The following THAP9 variants were observed in gnomAD, a reference collection of about 807,000 sequenced individuals.
The protein encoded by THAP9 is THAP domain containing 9.
THAP9 carries 20 observed loss-of-function variants against 35.7 expected under a neutral mutation model. The observed-to-expected ratio is 0.56, with a 90% CI of 0.39 to 0.81. The LOEUF (loss-of-function observed/expected upper bound fraction) is 0.81. THAP9 is among the 40% of genes least tolerant of loss of function. The probability of loss-of-function intolerance (pLI) is 0.00; values close to 1 mark genes in which losing one functional copy is unlikely to be tolerated. For missense variants in THAP9, 870 were observed against 1,047.4 expected, an observed-to-expected ratio of 0.83 and a Z score of 2.34; for synonymous variants, 335 against 373.7, an observed-to-expected ratio of 0.90 and a Z score of 1.19.
rs1721076125 is a variant in THAP9 at position 82,917,448 on chromosome 4, CTTT to C, written c.1237_1239del (p.Phe413del). The C allele has an allele frequency of 1.9e-6, 3 of 1,613,932 alleles. No individual in the cohort carries two copies. The East Asian group carries it at 6.7e-5, about 36-fold the overall frequency. ...CTTCTAGTCAACAGATTGCATACTT[CTTT>C]GACTCTTGCCACTTGCTAAGATTAA... On this transcript the variant is annotated inframe_deletion, in exon 5 of 5. Coordinates refer to ENST00000302236, the MANE Select transcript of THAP9 (RefSeq NM_024672.6).
chr4:82,904,061 T>C (rs1463179048), intron 1 of THAP9, among the ~76,000 whole-genome samples: 8 of 83,498 alleles, frequency 9.6e-5, no homozygotes, highest in Admixed American at 1.4e-4. Context: ...GCTCCCCCTT[T>C]TTTTTTTTTT....
At chr4:82,905,745 A>G in intron 2 of THAP9, 1 of 389,422 alleles carries the variant, frequency 2.6e-6, no homozygotes, top group South Asian at 1.9e-5. Flanking sequence ...TGTAAAATCA[A>G]TAATGGCTGC....
chr4:82,907,465 G>A (rs1461129271), intron 3 of THAP9, among the ~76,000 whole-genome samples: 1 of 151,910 alleles, frequency 6.6e-6, no homozygotes, highest in Non-Finnish European at 1.5e-5. Context: ...TAGTAAGCAG[G>A]GAACAAAATA....
At chr4:82,904,156 C>T (rs567941100) in intron 1 of THAP9, among the ~76,000 whole-genome samples, 50 of 150,404 alleles carry the variant, frequency 3.3e-4, no homozygotes, top group Middle Eastern at 6.9e-3. Context: ...CCTCCACCTC[C>T]GGATTCAAGA....
intron 4 of THAP9, among the ~76,000 whole-genome samples, chr4:82,909,575 T>C (rs1720790460): frequency 6.6e-6 from 1 of 152,178 alleles, no homozygotes; most frequent in Non-Finnish European, 1.5e-5. Context: ...TTTTAATAGC[T>C]GCATGATATC....
chr4:82,907,870 C>T lies in THAP9; in HGVS notation c.666C>T (p.Cys222=). 1.2e-6 allele frequency: 2 copies of T among 1,611,726 alleles called. No homozygotes were observed. The highest frequency in any genetic ancestry group is 1.7e-6 in the Non-Finnish European group (2 of 1,178,874). The part of the protein sequence containing the change: ...MKQFACTLYL[C]SSKVYDYVRK... ...AATTTGCATGTACACTCTACTTGTG[C>T]AGTAGCAAAGTCTATGATTATGTAA... The change falls in exon 4 of 5, where the codon TGC becomes TGT. Residue 222 remains cysteine, a synonymous_variant. Transcript: ENST00000302236.
At chr4:82,908,044 C>A (rs1361739573) in intron 4 of THAP9, 109 bp downstream of exon 4, 2 of 1,194,308 alleles carry the variant, frequency 1.7e-6, no homozygotes, top group African/African-American at 1.6e-5. Flanking sequence ...TCTTTTGTTG[C>A]ATTTTACTTA....
chr4:82,918,433 G>C lies in THAP9; in HGVS notation c.2221G>C (p.Ala741Pro), dbSNP rs138607816. 1 of 1,614,156 alleles carries C rather than the reference G, an allele frequency of 6.2e-7. No individual in the cohort carries two copies. The highest frequency in any genetic ancestry group is 8.5e-7 in the Non-Finnish European group (1 of 1,180,008). The change falls in exon 5 of 5, where the codon GCA (alanine) becomes CCA (proline). Residue 741 changes from alanine (A) to proline (P), a missense_variant. By Grantham distance (27) the Ala-to-Pro change is conservative (BLOSUM62 -1). This residue lies in a region of THAP9 where 414 missense variants were observed against 500.8 expected (regional missense o/e 0.83). Coordinates refer to ENST00000302236, the MANE Select transcript of THAP9 (RefSeq NM_024672.6). ...TGAGGACTGCATCACTGCACTGTAT[G>C]CATCGGATCTCAAAGCCTCTAAAAT... ...TCEDCITALY[A>P]SDLKASKIGS... is the part of the protein sequence containing the mutation.
Position 82,917,832 on chromosome 4 carries a change from C to G in THAP9, c.1620C>G (p.Tyr540Ter), listed in dbSNP as rs760471148. 55 of 1,613,370 alleles carry G rather than the reference C, an allele frequency of 3.4e-5. No homozygotes were observed. Among genetic ancestry groups the G allele is most frequent in the South Asian group, 2.9e-4 (26 of 91,062 alleles). The change falls in exon 5 of 5, where the codon TAC becomes TAG. Residue 540 changes from tyrosine to a stop codon, truncating the protein, a stop_gained. Transcript: ENST00000302236. LOFTEE classifies it high-confidence loss of function. ...AAGGGCCTCTGTTGCCTGAAACTTA[C>G]AGTAAAATAAACCACGTGTTAATTG... ...GLKGPLLPET[Y>*]SKINHVLIEA...
chr4:82,919,790 G>A lies in THAP9; in HGVS notation c.*866G>A, dbSNP rs1373670150. Reference sequence around the variant, plus strand: ...TAGGTAACTCTACTTTCACAAATGAGGATAGTTTAACGGATAGAAGAAACA... The same window carrying A: ...TAGGTAACTCTACTTTCACAAATGAAGATAGTTTAACGGATAGAAGAAACA... On this transcript the variant is annotated 3_prime_UTR_variant, in exon 5 of 5. Transcript: ENST00000302236. 1 of 152,178 alleles carries A rather than the reference G, an allele frequency of 6.6e-6. No individual in the cohort carries two copies. The highest frequency in any genetic ancestry group is 1.9e-4 in the East Asian group (1 of 5,198). 9.4% of individuals were successfully genotyped at this position (152,178 alleles called of 1,614,324 possible).
intron 4 of THAP9, 108 bp downstream of exon 4, chr4:82,908,043 G>A (rs988807705): frequency 4.2e-6 from 5 of 1,203,638 alleles, no homozygotes; most frequent in Non-Finnish European, 5.8e-6. Context: ...TTCTTTTGTT[G>A]CATTTTACTT....
intron 4 of THAP9, among the ~76,000 whole-genome samples, chr4:82,914,467 C>T (rs577573818): frequency 5.9e-5 from 9 of 152,296 alleles, no homozygotes; most frequent in Admixed American, 2.0e-4. Flanking sequence ...CCCATTTCTC[C>T]GCAATTTTGC....
chr4:82,907,290 A>ATAT (rs1255257483), intron 3 of THAP9, among the ~76,000 whole-genome samples: 1 of 152,094 alleles, frequency 6.6e-6, no homozygotes, highest in African/African-American at 2.4e-5. Flanking sequence ...GGAGATGAAT[A>ATAT]TTTTATGTTT....
chr4:82,902,299 T>G (rs1217579600), intron 1 of THAP9, among the ~76,000 whole-genome samples: 1 of 151,380 alleles, frequency 6.6e-6, no homozygotes, highest in Non-Finnish European at 1.5e-5. Flanking sequence ...GGTCTCAGTG[T>G]GTTGCCCAGG....
chr4:82,907,670 C>A (rs1488970512), intron 3 of THAP9, 115 bp from the exon 4 acceptor site: 2 of 780,738 alleles, frequency 2.6e-6, no homozygotes, highest in African/African-American at 3.6e-5. Context: ...AATCAAAATG[C>A]AACTATATTT....
chr4:82,900,933 G>A lies in THAP9; in HGVS notation c.80+51G>A, dbSNP rs779332899. 3.1e-6 allele frequency: 5 copies of A among 1,604,432 alleles called. No homozygotes were observed. The African/African-American group carries it at 6.7e-5, about 22-fold the overall frequency. Reference sequence around the variant, plus strand: ...CTTCGAACTCCCTGCGGGGCCCGGCGGGCCGTGGCGTGGCGTGGGGCGGGG... The same window carrying A: ...CTTCGAACTCCCTGCGGGGCCCGGCAGGCCGTGGCGTGGCGTGGGGCGGGG... On this transcript the variant is annotated intron_variant, in intron 1 of 4. Transcript: ENST00000302236.
chr4:82,916,862 C>T, intron 4 of THAP9, 82 bp from the exon 5 acceptor site: 2 of 1,224,282 alleles, frequency 1.6e-6, no homozygotes, highest in Non-Finnish European at 2.2e-6. Context: ...GGATGGGAGA[C>T]TACTTTAATA....
At chr4:82,914,571 G>A (rs1033380677) in intron 4 of THAP9, among the ~76,000 whole-genome samples, 12 of 152,100 alleles carry the variant, frequency 7.9e-5, no homozygotes, top group African/African-American at 4.8e-5. Context: ...TTCTCTTAAC[G>A]ATTGGTGATG....
In THAP9 at chr4:82,906,452, T is replaced by G; in HGVS notation, c.405T>G (p.Gly135=). 6.2e-7 allele frequency: 1 copy of G among 1,613,826 alleles called. No individual in the cohort carries two copies. Among genetic ancestry groups the G allele is most frequent in the Non-Finnish European group, 8.5e-7 (1 of 1,179,780 alleles). ...NYSLKTPLTI[G]AEKLAEVQQM... ...GTTTAAAGACACCTTTGACGATAGG[T>G]GCAGAGAAACTGGCTGAGGTGCAAC... Residue 135 remains glycine, a synonymous_variant, in exon 3 of 5, where the codon GGT becomes GGG. Coordinates refer to ENST00000302236, the MANE Select transcript of THAP9 (RefSeq NM_024672.6).
Sources: allele counts gnomAD v4.1 joint callset (sites outside exome capture counted in the v4.1 genomes callset), GRCh38; gene constraint gnomAD v4.1.1; regional missense constraint gnomAD v4.1.1; transcripts MANE v1.5; gene names NCBI Gene and HGNC (gene_info 2026-07-23, HGNC 2026-07-21).